Variants in EVI5 observed in about 807,000 individuals in gnomAD.
EVI5 encodes the protein ecotropic viral integration site 5 protein homolog.
EVI5 carries 73 observed loss-of-function variants against 112.0 expected under a neutral mutation model. The observed-to-expected ratio is 0.65, with a 90% CI of 0.54 to 0.79. The LOEUF (loss-of-function observed/expected upper bound fraction) is 0.79, where lower values mean the gene tolerates loss of function less well. Ranked by LOEUF, EVI5 falls within the 30% of genes least tolerant of loss-of-function variation. EVI5 has a pLI of 0.00. For synonymous variants in EVI5, 305 were observed against 319.9 expected (o/e 0.95, Z 0.50); for missense variants, 900 against 968.8 (o/e 0.93, Z 0.94).
chr1:92,719,093 C>CCTTACACCTTATACAAAAAGTAATTCAAG (rs1558141763), intron 2 of EVI5, among the ~76,000 whole-genome samples: 1 of 152,100 alleles, frequency 6.6e-6, no homozygotes, highest in African/African-American at 2.4e-5. Context: ...CAGATGGATT[C>CCTTACACCTTATACAAAAAGTAATTCAAG]ACAGCCGAAT....
chr1:92,559,343 T>C (rs1012073021), intron 19 of EVI5, among the ~76,000 whole-genome samples: 1 of 152,204 alleles, frequency 6.6e-6, no homozygotes, highest in Non-Finnish European at 1.5e-5. Context: ...TTTTATCTTA[T>C]ACCATTTTTC....
chr1:92,607,561 CAGTT>C lies in EVI5; in HGVS notation c.1974+16_1974+19del, dbSNP rs760791398. The stretch of plus-strand genomic sequence containing the variant: ...TTATTATATTGACAAAAAACAAAAT[CAGTT>C]AGTTGACATATTTACCTTGCATTCA... On this transcript the variant is annotated intron_variant, in intron 17 of 19. Transcript: ENST00000684568. 2 of 1,521,472 alleles carry C rather than the reference CAGTT, an allele frequency of 1.3e-6. No individual in the cohort carries two copies. The highest frequency in any genetic ancestry group is 4.9e-5 in the East Asian group (2 of 41,052). The allele number at this position is 1,521,472 out of a possible 1,614,324, so 94.2% of individuals were successfully genotyped here.
intron 18 of EVI5, among the ~76,000 whole-genome samples, chr1:92,588,785 T>A (rs1055492322): frequency 6.6e-6 from 1 of 152,270 alleles, no homozygotes; most frequent in African/African-American, 2.4e-5. Context: ...AAACTTAATC[T>A]GTTCTTCACA....
intron 19 of EVI5, among the ~76,000 whole-genome samples, chr1:92,516,590 C>T (rs968637430): frequency 6.6e-6 from 1 of 152,122 alleles, no homozygotes; most frequent in Non-Finnish European, 1.5e-5. Context: ...GAGTCCTGTA[C>T]TAGGTCTGGA....
At chr1:92,597,698 A>G (rs1340735353) in intron 18 of EVI5, among the ~76,000 whole-genome samples, 1 of 152,256 alleles carries the variant, frequency 6.6e-6, no homozygotes, top group East Asian at 1.9e-4. Context: ...CTACTGGTCA[A>G]ATTTGGTCAA....
At chr1:92,535,013 CA>C (rs1194130911) in intron 19 of EVI5, among the ~76,000 whole-genome samples, 1 of 151,974 alleles carries the variant, frequency 6.6e-6, no homozygotes, top group Non-Finnish European at 1.5e-5. Flanking sequence ...AAAATTTTTG[CA>C]ATTTATATTT....
At position 92,513,528 on chromosome 1, in the gene EVI5, T is replaced by C. The variant is rs1659346538; in HGVS notation, c.*128A>G. On this transcript the variant is annotated 3_prime_UTR_variant, in exon 20 of 20. Coordinates refer to ENST00000684568, the MANE Select transcript of EVI5 (RefSeq NM_001350197.2). Reference sequence around the variant, plus strand: ...ACTGTAAAATATATATATATATATATATATATATATATATATATATATATA... The same window carrying C: ...ACTGTAAAATATATATATATATATACATATATATATATATATATATATATA... 2 of 14,560 alleles carry C rather than the reference T, an allele frequency of 1.4e-4. 1 individual carries two copies. The highest frequency in any genetic ancestry group is 2.2e-4 in the Non-Finnish European group (2 of 9,172). The allele number at this position is 14,560 out of a possible 1,614,324, so 0.9% of individuals were successfully genotyped here.
intron 13 of EVI5, among the ~76,000 whole-genome samples, chr1:92,648,439 T>C (rs570996779): frequency 6.6e-6 from 1 of 152,080 alleles, no homozygotes; most frequent in East Asian, 1.9e-4. Flanking sequence ...TGTCTTATAG[T>C]ATATTAAGAA....
chr1:92,773,123 T>C (rs1304197362), intron 1 of EVI5, among the ~76,000 whole-genome samples: 1 of 151,284 alleles, frequency 6.6e-6, no homozygotes, highest in Admixed American at 6.6e-5. Context: ...GGAGAATCTC[T>C]TGAACCCAGG....
chr1:92,623,736 C>T (rs1371282864), intron 16 of EVI5, among the ~76,000 whole-genome samples: 1 of 152,172 alleles, frequency 6.6e-6, no homozygotes, highest in African/African-American at 2.4e-5. Context: ...TTTTGGTCAT[C>T]GCAACCTGAG....
intron 9 of EVI5, among the ~76,000 whole-genome samples, chr1:92,685,301 A>C (rs1668328610): frequency 6.6e-6 from 1 of 152,206 alleles, no homozygotes. Flanking sequence ...CTCCTGAGTG[A>C]CTACTGGGTA....
chr1:92,580,093 T>C (rs1398265896), intron 18 of EVI5, among the ~76,000 whole-genome samples: 1 of 152,232 alleles, frequency 6.6e-6, no homozygotes. Context: ...GCTATACACT[T>C]ATCTGATCAA....
At chr1:92,656,993 C>T (rs1663107636) in intron 13 of EVI5, among the ~76,000 whole-genome samples, 1 of 152,054 alleles carries the variant, frequency 6.6e-6, no homozygotes, top group South Asian at 2.1e-4. Flanking sequence ...TGAAACTCTT[C>T]CAAAAAACAT....
At chr1:92,631,369 G>C (rs1469059604) in intron 14 of EVI5, among the ~76,000 whole-genome samples, 2 of 152,110 alleles carry the variant, frequency 1.3e-5, no homozygotes, top group African/African-American at 4.8e-5. Flanking sequence ...GCAGTGGTTT[G>C]TAGTTCTCCT....
At chr1:92,550,825 CAA>C (rs1429456934) in intron 19 of EVI5, among the ~76,000 whole-genome samples, 1 of 33,540 alleles carries the variant, frequency 3.0e-5, no homozygotes, top group South Asian at 1.1e-3. Flanking sequence ...ACAAAAAAAA[CAA>C]AAGATATATT....
chr1:92,758,841 A>C (rs767760520), intron 1 of EVI5, among the ~76,000 whole-genome samples: 3 of 152,054 alleles, frequency 2.0e-5, no homozygotes, highest in Non-Finnish European at 2.9e-5. Flanking sequence ...AGACCTACAC[A>C]TCAAAAAAAA....
At chr1:92,635,706 G>A (rs1658664273) in intron 14 of EVI5, among the ~76,000 whole-genome samples, 1 of 152,180 alleles carries the variant, frequency 6.6e-6, no homozygotes, top group Admixed American at 6.5e-5. Context: ...TGGTACGGCA[G>A]TTGGAAATGC....
intron 2 of EVI5, among the ~76,000 whole-genome samples, chr1:92,716,333 GGA>G (rs1487228974): frequency 6.6e-6 from 1 of 152,194 alleles, no homozygotes; most frequent in Non-Finnish European, 1.5e-5. Context: ...AACAGGGTCT[GGA>G]GTGGACCTCT....
At chr1:92,787,933 CAA>C (rs1163956639), upstream of EVI5, among the ~76,000 whole-genome samples, 2 of 151,550 alleles carry the variant, frequency 1.3e-5, no homozygotes, top group Admixed American at 1.3e-4. Context: ...ATAAATGACA[CAA>C]AAGAGTGTCA....
Sources: allele counts gnomAD v4.1 joint callset (sites outside exome capture counted in the v4.1 genomes callset), GRCh38; gene constraint gnomAD v4.1.1; transcripts MANE v1.5; gene names NCBI Gene and HGNC (gene_info 2026-07-23, HGNC 2026-07-21).